PBX3: variants seen among roughly 807,000 people sequenced by gnomAD.
PBX3 encodes PBX homeobox 3, also known as pre-B-cell leukemia transcription factor 3.
A neutral mutation model predicts 48.5 loss-of-function variants in PBX3; 14 were observed. That is an observed-to-expected ratio of 0.29 (90% CI 0.19 to 0.45). PBX3 has a LOEUF of 0.45. Ranked by LOEUF, PBX3 falls within the 20% of genes least tolerant of loss-of-function variation. PBX3 has a pLI of 1.00. For missense variants in PBX3, 386 were observed against 546.7 expected (o/e 0.71, Z 2.93); for synonymous variants, 210 against 200.3 (o/e 1.05, Z -0.41).
chr9:125,815,761 C>T (rs1838441862), intron 2 of PBX3, among the ~76,000 whole-genome samples: 1 of 151,672 alleles, frequency 6.6e-6, no homozygotes, highest in East Asian at 1.9e-4. Context: ...GTTACTCAGA[C>T]CTTCTTTTAA....
At chr9:125,801,125 T>A (rs1837931542) in intron 2 of PBX3, among the ~76,000 whole-genome samples, 1 of 152,234 alleles carries the variant, frequency 6.6e-6, no homozygotes, top group Non-Finnish European at 1.5e-5. Context: ...GAATATTTGT[T>A]GATTTAACTC....
intron 2 of PBX3, among the ~76,000 whole-genome samples, chr9:125,912,517 CT>C (rs1245494144): frequency 2.0e-5 from 3 of 152,104 alleles, no homozygotes; most frequent in African/African-American, 2.4e-5. Context: ...TATGCAAAAA[CT>C]GTAGGCTTAT....
chr9:125,917,973 A>G (rs566377659), intron 3 of PBX3, among the ~76,000 whole-genome samples: 2 of 152,346 alleles, frequency 1.3e-5, no homozygotes, highest in Non-Finnish European at 2.9e-5. Flanking sequence ...TAAACAAAAT[A>G]AGTCATGGTT....
intron 2 of PBX3, among the ~76,000 whole-genome samples, chr9:125,816,344 A>C (rs1838462426): frequency 6.6e-6 from 1 of 152,122 alleles, no homozygotes; most frequent in Non-Finnish European, 1.5e-5. Flanking sequence ...ATCAGAGGGA[A>C]ACTGGAAAGG....
At chr9:125,908,207 T>C (rs1196458066) in intron 2 of PBX3, among the ~76,000 whole-genome samples, 2 of 152,090 alleles carry the variant, frequency 1.3e-5, no homozygotes, top group African/African-American at 4.8e-5. Context: ...GAGGAACTTA[T>C]TGAAGTCTGG....
At chr9:125,960,972 G>A in intron 6 of PBX3, 123 bp downstream of exon 6, 1 of 859,472 alleles carries the variant, frequency 1.2e-6, no homozygotes, top group Non-Finnish European at 1.7e-6. Flanking sequence ...GAAGATTTAT[G>A]TTCAAATGCA....
intron 2 of PBX3, among the ~76,000 whole-genome samples, chr9:125,798,328 A>C (rs952208193): frequency 1.3e-5 from 2 of 152,096 alleles, no homozygotes; most frequent in Non-Finnish European, 2.9e-5. Context: ...ATTACACACA[A>C]GTTCTCAGTC....
chr9:125,940,344 A>G (rs1841933809), intron 5 of PBX3, among the ~76,000 whole-genome samples: 1 of 152,248 alleles, frequency 6.6e-6, no homozygotes, highest in South Asian at 2.1e-4. Context: ...AAGGCAAGGA[A>G]GTCTCATGTC....
intron 2 of PBX3, among the ~76,000 whole-genome samples, chr9:125,826,539 C>T (rs979223086): frequency 6.6e-6 from 1 of 152,010 alleles, no homozygotes; most frequent in Non-Finnish European, 1.5e-5. Context: ...GGTAATGTCA[C>T]TACTAAGTAT....
chr9:125,916,167 A>G (rs1841328942), intron 3 of PBX3, among the ~76,000 whole-genome samples: 1 of 152,204 alleles, frequency 6.6e-6, no homozygotes, highest in Admixed American at 6.5e-5. Flanking sequence ...TTCATTCCGC[A>G]CATTCACGTG....
At chr9:125,770,459 T>A (rs1231969168) in intron 2 of PBX3, among the ~76,000 whole-genome samples, 1 of 152,180 alleles carries the variant, frequency 6.6e-6, no homozygotes, top group East Asian at 1.9e-4. Context: ...GAAAAAAATC[T>A]TGTATTACCT....
chr9:125,828,270 A>G (rs73667089), intron 2 of PBX3, among the ~76,000 whole-genome samples: 4,074 of 152,288 alleles, frequency 0.027, 213 homozygotes, highest in African/African-American at 0.092. Flanking sequence ...ACTGAGATAT[A>G]TGTACTGCCT....
chr9:125,924,063 T>G (rs1299607757), intron 3 of PBX3, among the ~76,000 whole-genome samples: 1 of 143,182 alleles, frequency 7.0e-6, no homozygotes. Context: ...AGAGATGAGA[T>G]CTTGCTGTGT....
intron 2 of PBX3, among the ~76,000 whole-genome samples, chr9:125,900,170 A>G (rs956216773): frequency 6.6e-6 from 1 of 150,934 alleles, no homozygotes; most frequent in Non-Finnish European, 1.5e-5. Flanking sequence ...TTTTTTAATA[A>G]TGATAGGATG....
intron 2 of PBX3, among the ~76,000 whole-genome samples, chr9:125,818,609 A>G (rs1245904398): frequency 2.0e-5 from 3 of 152,092 alleles, no homozygotes; most frequent in Admixed American, 6.5e-5. Context: ...TTGGCCTCCC[A>G]AAGTGCTGGG....
At chr9:125,810,814 T>C (rs1174076069) in intron 2 of PBX3, among the ~76,000 whole-genome samples, 2 of 152,180 alleles carry the variant, frequency 1.3e-5, no homozygotes, top group South Asian at 2.1e-4. Flanking sequence ...TCTGTCCTGA[T>C]GAAGGTGGAA....
At chr9:125,954,478 C>T (rs2118782071) in intron 5 of PBX3, among the ~76,000 whole-genome samples, 1 of 152,226 alleles carries the variant, frequency 6.6e-6, no homozygotes, top group South Asian at 2.1e-4. Context: ...ACTAGAAATA[C>T]ACTTTCAAGA....
intron 8 of PBX3, among the ~76,000 whole-genome samples, chr9:125,963,788 G>C (rs1468824069): frequency 6.6e-6 from 1 of 152,084 alleles, no homozygotes; most frequent in Non-Finnish European, 1.5e-5. Flanking sequence ...GCTCACGGTA[G>C]TAGACTCAGG....
intron 5 of PBX3, among the ~76,000 whole-genome samples, chr9:125,950,631 A>G (rs1286685218): frequency 6.6e-6 from 1 of 151,916 alleles, no homozygotes; most frequent in East Asian, 1.9e-4. Context: ...ACAGGTATGC[A>G]CCACCATGCC....
Sources: allele counts gnomAD v4.1 joint callset (sites outside exome capture counted in the v4.1 genomes callset), GRCh38; gene constraint gnomAD v4.1.1; transcripts MANE v1.5; gene names NCBI Gene and HGNC (gene_info 2026-07-23, HGNC 2026-07-21).